Variants in GPC5 observed in about 807,000 individuals in gnomAD.
The protein encoded by GPC5 is glypican-5.
Under a neutral mutation model 53.9 loss-of-function variants are expected in GPC5, and 47 were observed. The observed-to-expected ratio is 0.87, with a 90% confidence interval of 0.69 to 1.11. The LOEUF (loss-of-function observed/expected upper bound fraction) is 1.11, where lower values mean the gene tolerates loss of function less well. GPC5 is among the 50% of genes most tolerant of loss of function. The pLI is 0.00. For synonymous variants in GPC5, 286 were observed against 263.3 expected (o/e 1.09, Z -0.84); for missense variants, 748 against 713.1 (o/e 1.05, Z -0.56).
chr13:92,865,746 C>G (rs931474303), intron 7 of GPC5, among the ~76,000 whole-genome samples: 1 of 152,104 alleles, frequency 6.6e-6, no homozygotes, highest in Admixed American at 6.6e-5. Flanking sequence ...CAAAATATCA[C>G]ATTGTACCCC....
intron 2 of GPC5, among the ~76,000 whole-genome samples, chr13:91,559,948 G>A (rs190500466): frequency 4.4e-4 from 67 of 152,156 alleles, no homozygotes; most frequent in African/African-American, 1.6e-3. Flanking sequence ...TGAAATCTGG[G>A]GAACATTGTA....
chr13:92,149,235 TG>T (rs2138990227), intron 7 of GPC5, among the ~76,000 whole-genome samples: 1 of 152,168 alleles, frequency 6.6e-6, no homozygotes, highest in African/African-American at 2.4e-5. Flanking sequence ...TCATGTCTAT[TG>T]ACAACTAGCC....
At chr13:92,601,486 C>T (rs373696403) in intron 7 of GPC5, among the ~76,000 whole-genome samples, 7 of 139,356 alleles carry the variant, frequency 5.0e-5, no homozygotes, top group East Asian at 2.2e-4. Context: ...ACCCAGGAAG[C>T]GGAGGTTGCA....
At chr13:91,895,674 C>A (rs930251565) in intron 5 of GPC5, among the ~76,000 whole-genome samples, 6 of 150,612 alleles carry the variant, frequency 4.0e-5, no homozygotes, top group Admixed American at 1.3e-4. Context: ...TTTAAAGCTG[C>A]TCCATTTCAA....
intron 7 of GPC5, among the ~76,000 whole-genome samples, chr13:92,204,954 C>G (rs2042322596): frequency 6.6e-6 from 1 of 152,198 alleles, no homozygotes; most frequent in Admixed American, 6.5e-5. Context: ...TCTCGGCTCA[C>G]TGCAATCTCC....
At chr13:92,282,981 G>T (rs892313660) in intron 7 of GPC5, among the ~76,000 whole-genome samples, 2 of 152,196 alleles carry the variant, frequency 1.3e-5, no homozygotes, top group East Asian at 1.9e-4. Context: ...CCATCAGTGT[G>T]CTGTATTCAG....
At chr13:92,766,766 T>C (rs1213804092) in intron 7 of GPC5, among the ~76,000 whole-genome samples, 1 of 152,240 alleles carries the variant, frequency 6.6e-6, no homozygotes, top group East Asian at 1.9e-4. Context: ...AATAAATTCA[T>C]TTGCTTTTAA....
intron 7 of GPC5, among the ~76,000 whole-genome samples, chr13:92,835,593 T>G (rs987834771): frequency 6.6e-6 from 1 of 152,076 alleles, no homozygotes. Context: ...ATATGAACTT[T>G]GTATTCTGTA....
intron 5 of GPC5, among the ~76,000 whole-genome samples, chr13:91,822,217 T>G (rs1391482500): frequency 6.6e-6 from 1 of 152,160 alleles, no homozygotes; most frequent in Non-Finnish European, 1.5e-5. Context: ...AATCATCAAC[T>G]TGAGCTCCTT....
chr13:92,547,253 G>T (rs189011680), intron 7 of GPC5, among the ~76,000 whole-genome samples: 2 of 152,110 alleles, frequency 1.3e-5, no homozygotes, highest in Admixed American at 1.3e-4. Flanking sequence ...TGAAAAATAT[G>T]GCCTAAAATA....
intron 2 of GPC5, among the ~76,000 whole-genome samples, chr13:91,542,634 G>A (rs898641715): frequency 6.6e-6 from 1 of 152,112 alleles, no homozygotes; most frequent in Non-Finnish European, 1.5e-5. Context: ...CTTAGGGCTC[G>A]TCATGTGTTC....
intron 6 of GPC5, among the ~76,000 whole-genome samples, chr13:92,034,937 GCTGAATT>G (rs1951110857): frequency 1.3e-5 from 2 of 152,204 alleles, no homozygotes; most frequent in Middle Eastern, 3.4e-3. Context: ...GGCCCACTTA[GCTGAATT>G]CCATCAAGAT....
At chr13:92,182,335 G>C (rs73622801) in intron 7 of GPC5, among the ~76,000 whole-genome samples, 2,393 of 152,232 alleles carry the variant, frequency 0.016, 53 homozygotes, top group African/African-American at 0.054. Flanking sequence ...AAAACGATCT[G>C]TGACTTCAAA....
rs116864586 is a variant in GPC5, at chr13:91,997,228, C to T, written c.1401+89171C>T. Among the ~76,000 whole-genome samples the T allele has an allele frequency of 5.6e-3, 860 of 152,218 alleles. 4 individuals carry two copies. The highest frequency in any genetic ancestry group is 9.4e-3 in the Non-Finnish European group (639 of 68,004). ...TATCTTCACTGATATGTCGTACTGT[C>T]AATTTATCTATGATACTGGATGAGG... is the stretch of plus-strand genomic sequence containing the variant. On this transcript the variant is annotated intron_variant, in intron 6 of 7. Transcript: ENST00000377067.
At chr13:91,779,517 C>T (rs2037763304) in intron 5 of GPC5, among the ~76,000 whole-genome samples, 1 of 152,074 alleles carries the variant, frequency 6.6e-6, no homozygotes, top group African/African-American at 2.4e-5. Context: ...CATACCACCA[C>T]AACGAGCTAA....
intron 7 of GPC5, among the ~76,000 whole-genome samples, chr13:92,539,540 T>C (rs1341250766): frequency 6.6e-6 from 1 of 152,124 alleles, no homozygotes; most frequent in Non-Finnish European, 1.5e-5. Context: ...TGTAAATTTG[T>C]TTAAGTTCTT....
At chr13:91,469,711 A>T (rs1374481841) in intron 2 of GPC5, among the ~76,000 whole-genome samples, 1 of 152,058 alleles carries the variant, frequency 6.6e-6, no homozygotes, top group Non-Finnish European at 1.5e-5. Context: ...AATTTTGTAA[A>T]CCTTTGTTAT....
At chr13:92,590,040 T>C (rs1225356990) in intron 7 of GPC5, among the ~76,000 whole-genome samples, 1 of 152,126 alleles carries the variant, frequency 6.6e-6, no homozygotes. Context: ...GCAGTAGTGA[T>C]GCAGTGTTTA....
chr13:91,949,997 G>A (rs773090811), intron 6 of GPC5, among the ~76,000 whole-genome samples: 19 of 152,104 alleles, frequency 1.2e-4, no homozygotes, highest in African/African-American at 3.6e-4. Flanking sequence ...TGTTTAGACC[G>A]CATGCTGAGG....
Sources: gnomAD v4.1 joint callset for allele counts (sites outside exome capture counted in the v4.1 genomes callset) on GRCh38, gnomAD v4.1.1 for gene constraint, MANE v1.5 for transcripts, NCBI Gene and HGNC (gene_info 2026-07-23, HGNC 2026-07-21) for gene names.